ARHGEF12: variants seen among roughly 807,000 people sequenced by gnomAD.
ARHGEF12 encodes Rho guanine nucleotide exchange factor 12.
Under a neutral mutation model 211.2 loss-of-function variants are expected in ARHGEF12, and 66 were observed. The observed-to-expected ratio is 0.31, with a 90% confidence interval of 0.26 to 0.38. ARHGEF12 has a LOEUF of 0.38. ARHGEF12 is among the 10% of genes least tolerant of loss of function. ARHGEF12 has a pLI of 1.00. For synonymous variants in ARHGEF12, 592 were observed against 638.4 expected, an observed-to-expected ratio of 0.93 and a Z score of 1.09; for missense variants, 1,429 against 1,869.5, an observed-to-expected ratio of 0.76 and a Z score of 4.34.
At chr11:120,443,679 G>T (rs1485101099) in intron 15 of ARHGEF12, among the ~76,000 whole-genome samples, 2 of 151,878 alleles carry the variant, frequency 1.3e-5, no homozygotes. Flanking sequence ...TTTGTCCATA[G>T]AACTTTTATT....
chr11:120,348,986 C>A (rs1942853471), intron 1 of ARHGEF12, among the ~76,000 whole-genome samples: 1 of 152,106 alleles, frequency 6.6e-6, no homozygotes, highest in South Asian at 2.1e-4. Context: ...CAAAAAAATT[C>A]AAAATGAAAC....
At chr11:120,416,678 T>C (rs529268941) in intron 4 of ARHGEF12, among the ~76,000 whole-genome samples, 41 of 152,262 alleles carry the variant, frequency 2.7e-4, no homozygotes, top group African/African-American at 9.4e-4. Flanking sequence ...TTTTTTGAGA[T>C]GGAGTCTTTG....
At position 120,394,252 on chromosome 11, in the gene ARHGEF12, C is replaced by G. The variant is rs142299695; in HGVS notation, c.33-11866C>G. The stretch of plus-strand genomic sequence containing the variant: ...TTTTTTTTTTTAAGACAGGGTCTTA[C>G]TCTGTTGCCCAGGCTCAAGGGCAGT... On this transcript the variant is annotated intron_variant, in intron 1 of 40. Coordinates refer to ENST00000397843, the MANE Select transcript of ARHGEF12 (RefSeq NM_015313.3). Among the ~76,000 whole-genome samples the G allele has an allele frequency of 6.0e-4, 91 of 151,386 alleles. 1 individual carries two copies. The East Asian group carries it at 0.011, about 19-fold the overall frequency.
intron 16 of ARHGEF12, 102 bp downstream of exon 16, chr11:120,445,566 A>G (rs1449108010): frequency 7.1e-6 from 8 of 1,130,384 alleles, no homozygotes; most frequent in African/African-American, 3.1e-5. Context: ...CTAGTCGATC[A>G]CCTGAATCAC....
rs1408178876 is a variant in ARHGEF12, at chr11:120,489,163, A to G, written c.*4086A>G. 8.8e-6 allele frequency: 2 copies of G among 227,152 alleles called. No individual in the cohort carries two copies. Among genetic ancestry groups the G allele is most frequent in the African/African-American group, 4.4e-5 (2 of 44,954 alleles). 14.1% of individuals were successfully genotyped at this position (227,152 alleles called of 1,614,324 possible). On this transcript the variant is annotated 3_prime_UTR_variant, in exon 41 of 41. Transcript: ENST00000397843. Reference sequence around the variant, plus strand: ...TGTCAGACATCTTCCTGCTTATTAGAGCATCCCTAGCAACAAGGCTAAACC... The same window carrying G: ...TGTCAGACATCTTCCTGCTTATTAGGGCATCCCTAGCAACAAGGCTAAACC...
Position 120,481,305 on chromosome 11 carries a change from C to T in ARHGEF12, c.4283C>T (p.Ser1428Phe), listed in dbSNP as rs1400498900. 1 of 1,614,142 alleles carries T rather than the reference C, an allele frequency of 6.2e-7. No individual in the cohort carries two copies. The highest frequency in any genetic ancestry group is 1.3e-5 in the African/African-American group (1 of 75,030). The change falls in exon 39 of 41, where the codon TCC (serine) becomes TTC (phenylalanine). Residue 1428 changes from serine (S) to phenylalanine (F), a missense_variant. By Grantham distance (155) the Ser-to-Phe change is radical. Coordinates refer to ENST00000397843, the MANE Select transcript of ARHGEF12 (RefSeq NM_015313.3). ...LDGYDPVQES[S>F]TDEEVASSLT... ...GGCTATGACCCAGTGCAGGAGAGTT[C>T]CACAGATGAGGAGGTTGCTTCCTCA...
intron 22 of ARHGEF12, among the ~76,000 whole-genome samples, chr11:120,456,840 A>T (rs1302148493): frequency 1.3e-5 from 2 of 152,204 alleles, no homozygotes; most frequent in Non-Finnish European, 2.9e-5. Context: ...CAAAAAAATT[A>T]AAAATGAGCC....
chr11:120,396,423 C>T (rs924422142), intron 1 of ARHGEF12, among the ~76,000 whole-genome samples: 3 of 152,218 alleles, frequency 2.0e-5, no homozygotes, highest in East Asian at 1.9e-4. Flanking sequence ...TACAGGGAGA[C>T]GTCGAGCAAC....
intron 1 of ARHGEF12, among the ~76,000 whole-genome samples, chr11:120,357,011 A>G (rs1205694591): frequency 6.7e-6 from 1 of 150,224 alleles, no homozygotes; most frequent in Non-Finnish European, 1.5e-5. Context: ...CCCAACCTGC[A>G]CTGTTTTTTT....
chr11:120,404,620 C>A (rs900501582), intron 1 of ARHGEF12, among the ~76,000 whole-genome samples: 9 of 152,100 alleles, frequency 5.9e-5, no homozygotes, highest in Non-Finnish European at 1.0e-4. Context: ...AACGGGTTTA[C>A]AATCAGTAGT....
chr11:120,462,633 G>A (rs909290621), intron 27 of ARHGEF12: 14 of 152,210 alleles, frequency 9.2e-5, no homozygotes, highest in Admixed American at 9.2e-4. Context: ...CAGAATGGTG[G>A]TTTGTAACTG....
chr11:120,452,504 C>T lies in ARHGEF12; in HGVS notation c.2056+780C>T, dbSNP rs566827541. Among the ~76,000 whole-genome samples, 8 of 152,178 alleles carry T rather than the reference C, an allele frequency of 5.3e-5. No homozygotes were observed. The South Asian group carries it at 1.2e-3, about 24-fold the overall frequency. ...TAGAGGAGGCTACTAGGGATGAAGA[C>T]GGCAAGGAACCAAGAAGCCAGGAGT... is the stretch of plus-strand genomic sequence containing the variant. On this transcript the variant is annotated intron_variant, in intron 22 of 40. Transcript: ENST00000397843.
Position 120,481,408 on chromosome 11 carries a change from C to T in ARHGEF12, c.4386C>T (p.His1462=). ...HQQQHSPQNT[H]SDGAISPFTP... ...AGCAACATTCTCCTCAGAATACTCA[C>T]TCCGATGGGGCAATTTCACCATTCA... Residue 1462 remains histidine, a synonymous_variant, in exon 39 of 41, where the codon CAC becomes CAT. Coordinates refer to ENST00000397843, the MANE Select transcript of ARHGEF12 (RefSeq NM_015313.3). 1.2e-6 allele frequency: 2 copies of T among 1,614,234 alleles called. No individual in the cohort carries two copies. The highest frequency in any genetic ancestry group is 1.7e-6 in the Non-Finnish European group (2 of 1,180,052).
rs778666200 is a variant in ARHGEF12, at chr11:120,337,057, GT to G, written c.-183del. 2 of 658,266 alleles carry G rather than the reference GT, an allele frequency of 3.0e-6. No individual in the cohort carries two copies. The highest frequency in any genetic ancestry group is 3.1e-4 in the Middle Eastern group (1 of 3,202). 40.8% of individuals were successfully genotyped at this position (658,266 alleles called of 1,614,324 possible). A position where few individuals can be genotyped will look rare whatever the true frequency, so the allele number is the denominator to read the frequency against. On this transcript the variant is annotated 5_prime_UTR_variant, in exon 1 of 41. Coordinates refer to ENST00000397843, the MANE Select transcript of ARHGEF12 (RefSeq NM_015313.3). The stretch of plus-strand genomic sequence containing the variant: ...CTCAGTTCGTTTTGGGAGATAACTT[GT>G]TTTGCTCCAAGCCGCATCCGTTGAC...
At chr11:120,427,372 A>G (rs1196412917) in intron 7 of ARHGEF12, among the ~76,000 whole-genome samples, 2 of 152,122 alleles carry the variant, frequency 1.3e-5, no homozygotes, top group Non-Finnish European at 2.9e-5. Flanking sequence ...GTTCTAGCAT[A>G]TTCACTAAAC....
intron 1 of ARHGEF12, among the ~76,000 whole-genome samples, chr11:120,368,995 G>A (rs1373900460): frequency 6.6e-6 from 1 of 152,074 alleles, no homozygotes; most frequent in Non-Finnish European, 1.5e-5. Context: ...TTATAATATA[G>A]GTGGTCATTC....
chr11:120,438,293 C>CT (rs35273516), intron 12 of ARHGEF12, among the ~76,000 whole-genome samples: 32,121 of 151,712 alleles, frequency 0.21, 3,743 homozygotes, highest in African/African-American at 0.3. Context: ...CACCTAATTT[C>CT]TTTTTTTTAA....
At chr11:120,463,357 C>T (rs984010532) in intron 27 of ARHGEF12, 1 of 152,052 alleles carries the variant, frequency 6.6e-6, no homozygotes, top group Non-Finnish European at 1.5e-5. Flanking sequence ...GAAACCCCAT[C>T]TCTACTAAAA....
Position 120,465,217 on chromosome 11 carries a change from T to C in ARHGEF12, c.2614-20T>C. 6.2e-7 allele frequency: 1 copy of C among 1,613,700 alleles called. No homozygotes were observed. Among genetic ancestry groups the C allele is most frequent in the Non-Finnish European group, 8.5e-7 (1 of 1,179,884 alleles). On this transcript the variant is annotated intron_variant, in intron 27 of 40. Transcript: ENST00000397843. ...CTCAGTTTCCCATTCTCTTTTGTGT[T>C]CTTTGCATTCTTGGCACAGTTCAGC...
Sources: gnomAD v4.1 joint callset for allele counts (sites outside exome capture counted in the v4.1 genomes callset) on GRCh38, gnomAD v4.1.1 for gene constraint, MANE v1.5 for transcripts, NCBI Gene and HGNC (gene_info 2026-07-23, HGNC 2026-07-21) for gene names.